The following ITGA9 variants were observed in gnomAD, a reference collection of about 807,000 sequenced individuals.
ITGA9 encodes the protein integrin subunit alpha 9, also known as integrin alpha-9.
In ITGA9, 56 loss-of-function variants were observed where a neutral mutation model predicts 127.8. That is an observed-to-expected ratio of 0.44 (90% CI 0.35 to 0.55). The LOEUF is 0.55. Ranked by LOEUF, ITGA9 falls within the 20% of genes least tolerant of loss-of-function variation. The pLI is 0.00. For synonymous variants in ITGA9, 508 were observed against 514.5 expected (o/e 0.99, Z 0.17); for missense variants, 1,196 against 1,347.1 (o/e 0.89, Z 1.76).
intron 14 of ITGA9, among the ~76,000 whole-genome samples, 173 bp from the exon 15 acceptor site, chr3:37,542,252 A>G (rs966985148): frequency 3.9e-5 from 6 of 151,978 alleles, no homozygotes; most frequent in African/African-American, 1.5e-4. Context: ...TTCTTTGAGC[A>G]CCCTGGCTGT....
chr3:37,702,614 G>C (rs905337004), intron 18 of ITGA9, among the ~76,000 whole-genome samples: 1 of 152,108 alleles, frequency 6.6e-6, no homozygotes, highest in Non-Finnish European at 1.5e-5. Flanking sequence ...GCTGCTCTCT[G>C]GGGTTAAGCA....
At position 37,821,105 on chromosome 3, in the gene ITGA9, T is replaced by G. The variant is rs1697509175; in HGVS notation, c.*2116T>G. 6.6e-6 allele frequency: 1 copy of G among 152,082 alleles called. No homozygotes were observed. The highest frequency in any genetic ancestry group is 2.4e-5 in the African/African-American group (1 of 41,388). 9.4% of individuals were successfully genotyped at this position (152,082 alleles called of 1,614,324 possible). A position where few individuals can be genotyped will look rare whatever the true frequency, so the allele number is the denominator to read the frequency against. The stretch of plus-strand genomic sequence containing the variant: ...TGTAACCTCATGCTTCTCTTCCTGG[T>G]GAACATGGGAATAGACCAAAAAAAT... On this transcript the variant is annotated 3_prime_UTR_variant, in exon 28 of 28. Coordinates refer to ENST00000264741, the MANE Select transcript of ITGA9 (RefSeq NM_002207.3).
At chr3:37,607,133 C>T (rs13080492) in intron 15 of ITGA9, among the ~76,000 whole-genome samples, 5,169 of 152,060 alleles carry the variant, frequency 0.034, 121 homozygotes, top group Non-Finnish European at 0.052. Context: ...TACACATGTG[C>T]CCCCGTACCT....
At position 37,523,783 on chromosome 3, in the gene ITGA9, A is replaced by G. The variant is rs143391983; in HGVS notation, c.1327+172A>G. Among the ~76,000 whole-genome samples, 469 of 152,254 alleles carry G rather than the reference A, an allele frequency of 3.1e-3. 4 individuals carry two copies. The highest frequency in any genetic ancestry group is 0.011 in the African/African-American group (438 of 41,538). Reference sequence around the variant, plus strand: ...ATTTTAAGGTGAAAATAATGTTGATATTTATTTTGGGGTTTTAAACTGATC... The same window carrying G: ...ATTTTAAGGTGAAAATAATGTTGATGTTTATTTTGGGGTTTTAAACTGATC... On this transcript the variant is annotated intron_variant, in intron 12 of 27. Coordinates refer to ENST00000264741, the MANE Select transcript of ITGA9 (RefSeq NM_002207.3).
Position 37,476,463 on chromosome 3 carries a change from A to C in ITGA9, c.420+3003A>C, listed in dbSNP as rs568611742. 1.8e-3 allele frequency among the ~76,000 whole-genome samples: 279 copies of C among 151,862 alleles called. 2 individuals are homozygous for C. The highest frequency in any genetic ancestry group is 2.8e-3 in the Admixed American group (42 of 15,246). On this transcript the variant is annotated intron_variant, in intron 3 of 27. Coordinates refer to ENST00000264741, the MANE Select transcript of ITGA9 (RefSeq NM_002207.3). ...GATTAGTAACATTGAGCATTGTTTC[A>C]TCATCTGCTTGTTGGTCATTTTATA... is the stretch of plus-strand genomic sequence containing the variant.
intron 22 of ITGA9, among the ~76,000 whole-genome samples, chr3:37,750,055 C>A (rs1457513211): frequency 2.0e-5 from 3 of 148,610 alleles, no homozygotes; most frequent in Admixed American, 6.7e-5. Flanking sequence ...TACCCCCCCA[C>A]CAAAATGTGT....
At chr3:37,504,738 G>C (rs748214829) in intron 6 of ITGA9, among the ~76,000 whole-genome samples, 2 of 152,114 alleles carry the variant, frequency 1.3e-5, no homozygotes, top group African/African-American at 4.8e-5. Flanking sequence ...TCAAGGATCC[G>C]TTCAGGCTTT....
In ITGA9 at chr3:37,452,612, C is replaced by A. The variant is rs925175105; in HGVS notation, c.185+53C>A. 1.3e-5 allele frequency: 18 copies of A among 1,432,936 alleles called. No homozygotes were observed. The highest frequency in any genetic ancestry group is 1.7e-5 in the Non-Finnish European group (18 of 1,083,430). 88.8% of individuals were successfully genotyped at this position (1,432,936 alleles called of 1,614,324 possible). A position where few individuals can be genotyped will look rare whatever the true frequency, so the allele number is the denominator to read the frequency against. ...TGGCCCGCGCGGCCACCGCCCCGGCCCCCAGGCCAGCGCCGCCGCCGCCTT... is the reference window on the plus strand; with the variant it reads ...TGGCCCGCGCGGCCACCGCCCCGGCACCCAGGCCAGCGCCGCCGCCGCCTT... On this transcript the variant is annotated intron_variant, in intron 1 of 27. Coordinates refer to ENST00000264741, the MANE Select transcript of ITGA9 (RefSeq NM_002207.3). The surrounding 1 kb of genome is among the most constrained non-coding windows in gnomAD (Gnocchi z 7.3).
rs1697523854 is a variant in ITGA9 at position 37,822,308 on chromosome 3, T to A, written c.*3319T>A. 6.6e-6 allele frequency: 1 copy of A among 152,298 alleles called. No individual in the cohort carries two copies. The highest frequency in any genetic ancestry group is 2.1e-4 in the South Asian group (1 of 4,830). 9.4% of individuals were successfully genotyped at this position (152,298 alleles called of 1,614,324 possible). ...CCTTTGTAAAAATGGAGTAAAACAG[T>A]GCCCCTTTTTTAAAAAAAGTTTTGC... On this transcript the variant is annotated 3_prime_UTR_variant, in exon 28 of 28. Coordinates refer to ENST00000264741, the MANE Select transcript of ITGA9 (RefSeq NM_002207.3).
At chr3:37,457,963 A>G (rs941254472) in intron 1 of ITGA9, among the ~76,000 whole-genome samples, 1 of 152,230 alleles carries the variant, frequency 6.6e-6, no homozygotes, top group African/African-American at 2.4e-5. Context: ...GCTGCTGTTC[A>G]GGAAATGGTC....
chr3:37,718,013 T>A (rs959674200), intron 18 of ITGA9, among the ~76,000 whole-genome samples: 1 of 152,210 alleles, frequency 6.6e-6, no homozygotes, highest in East Asian at 1.9e-4. Context: ...CATGCATTCA[T>A]CATGTGAGAT....
chr3:37,756,640 C>G (rs944787116), intron 23 of ITGA9, among the ~76,000 whole-genome samples: 2 of 152,166 alleles, frequency 1.3e-5, no homozygotes, highest in African/African-American at 4.8e-5. Flanking sequence ...ACCTATCTCA[C>G]ACTGTAAGGA....
At chr3:37,695,128 C>T (rs1049225468) in intron 18 of ITGA9, among the ~76,000 whole-genome samples, 2 of 152,048 alleles carry the variant, frequency 1.3e-5, no homozygotes, top group African/African-American at 2.4e-5. Flanking sequence ...TTTGTTCTCC[C>T]GTAAACACCA....
intron 4 of ITGA9, among the ~76,000 whole-genome samples, chr3:37,486,706 T>C (rs1188272016): frequency 1.3e-5 from 2 of 152,238 alleles, no homozygotes; most frequent in Non-Finnish European, 2.9e-5. Flanking sequence ...GAAGATCATA[T>C]TGGCACAATT....
At chr3:37,545,932 T>G (rs1054850347) in intron 15 of ITGA9, among the ~76,000 whole-genome samples, 1 of 152,232 alleles carries the variant, frequency 6.6e-6, no homozygotes, top group Non-Finnish European at 1.5e-5. Flanking sequence ...TTGGTTCTTA[T>G]GCTCACAGAA....
At chr3:37,693,979 C>T (rs934229689) in intron 18 of ITGA9, among the ~76,000 whole-genome samples, 1 of 152,216 alleles carries the variant, frequency 6.6e-6, no homozygotes, top group African/African-American at 2.4e-5. Context: ...GAACTTGCTG[C>T]TTGCCCTGGT....
intron 18 of ITGA9, among the ~76,000 whole-genome samples, chr3:37,714,766 A>G (rs1701116805): frequency 6.6e-6 from 1 of 152,168 alleles, no homozygotes; most frequent in African/African-American, 2.4e-5. Context: ...GTGTTTTAGC[A>G]AGCCTCCATG....
chr3:37,509,138 A>G (rs1579073271), intron 8 of ITGA9, among the ~76,000 whole-genome samples: 4 of 152,196 alleles, frequency 2.6e-5, no homozygotes, highest in African/African-American at 7.2e-5. Flanking sequence ...TTCCTCTTAG[A>G]ACCTTGAAGC....
intron 9 of ITGA9, among the ~76,000 whole-genome samples, chr3:37,515,621 G>A (rs1698976823): frequency 6.6e-6 from 1 of 152,176 alleles, no homozygotes; most frequent in African/African-American, 2.4e-5. Flanking sequence ...GCTTGCCTGT[G>A]GTCCCAGCTG....
Sources: gnomAD v4.1 joint callset for allele counts (sites outside exome capture counted in the v4.1 genomes callset) on GRCh38, gnomAD v4.1.1 for gene constraint, Gnocchi (gnomAD v3.1) non-coding constraint, MANE v1.5 for transcripts, NCBI Gene and HGNC (gene_info 2026-07-23, HGNC 2026-07-21) for gene names.